Variants in PDE1A observed in about 807,000 individuals in gnomAD.
The protein encoded by PDE1A is phosphodiesterase 1A.
Under a neutral mutation model 61.7 loss-of-function variants are expected in PDE1A, and 35 were observed. The ratio of observed to expected loss-of-function variants is 0.57; its 90% CI spans 0.43 to 0.75. PDE1A has a LOEUF of 0.75. PDE1A is among the 30% of genes least tolerant of loss of function. The pLI is 0.00. For synonymous variants in PDE1A, 232 were observed against 213.2 expected (o/e 1.09, Z -0.77); for missense variants, 597 against 630.6 (o/e 0.95, Z 0.57).
At chr2:182,157,897 A>C (rs186891339) in intron 13 of PDE1A, among the ~76,000 whole-genome samples, 3 of 152,308 alleles carry the variant, frequency 2.0e-5, no homozygotes, top group Admixed American at 2.0e-4. Context: ...GAGAGTTGGT[A>C]GTAGCTATGT....
chr2:182,143,526 T>C (rs953387415), downstream of PDE1A, among the ~76,000 whole-genome samples: 2 of 152,048 alleles, frequency 1.3e-5, no homozygotes, highest in African/African-American at 2.4e-5. Context: ...ATTTTATTTG[T>C]TTTTTGGTGA....
intron 1 of PDE1A, among the ~76,000 whole-genome samples, chr2:182,331,995 T>A (rs1697442766): frequency 6.6e-6 from 1 of 152,190 alleles, no homozygotes; most frequent in African/African-American, 2.4e-5. Flanking sequence ...CAATCAAACG[T>A]AGGTTTGGTC....
chr2:182,305,182 C>A (rs1574303306), intron 1 of PDE1A, among the ~76,000 whole-genome samples: 2 of 1,964 alleles, frequency 1.0e-3, no homozygotes, highest in East Asian at 0.17. Flanking sequence ...CGGATTACTT[C>A]CACTTTATAA....
chr2:182,554,823 A>G, the PDE1A span, among the ~76,000 whole-genome samples: 1 of 152,172 alleles, frequency 6.6e-6, no homozygotes. Context: ...AGTTCATAGA[A>G]AAATATGGTT....
In PDE1A at chr2:182,282,932, A is replaced by G. The variant is rs139802951; in HGVS notation, c.54-18518T>C. On this transcript the variant is annotated intron_variant, in intron 1 of 13. Transcript: ENST00000351439. ...ACTTTTACAGAACCTGTGCATAGCCATACTGTTGAATCACAGAAGAGGCAT... is the reference window on the plus strand; with the variant it reads ...ACTTTTACAGAACCTGTGCATAGCCGTACTGTTGAATCACAGAAGAGGCAT... 1.7e-4 allele frequency among the ~76,000 whole-genome samples: 26 copies of G among 152,146 alleles called. No homozygotes were observed. In the East Asian group the frequency reaches 4.8e-3, roughly 28 times the overall value.
intron 2 of PDE1A, among the ~76,000 whole-genome samples, chr2:182,473,215 T>C (rs1687144273): frequency 6.6e-6 from 1 of 151,928 alleles, no homozygotes; most frequent in Non-Finnish European, 1.5e-5. Flanking sequence ...GACACAGGCA[T>C]GGGCAAGGAC....
chr2:182,696,399 G>A, the PDE1A span, among the ~76,000 whole-genome samples: 4 of 152,170 alleles, frequency 2.6e-5, no homozygotes, highest in Admixed American at 6.5e-5. Flanking sequence ...ACTACATGAC[G>A]TTCTGAAAAG....
At chr2:182,332,845 G>A (rs1004838150) in intron 1 of PDE1A, among the ~76,000 whole-genome samples, 1 of 152,012 alleles carries the variant, frequency 6.6e-6, no homozygotes, top group African/African-American at 2.4e-5. Context: ...CACGTGGAAA[G>A]ACACACATAG....
intron 1 of PDE1A, among the ~76,000 whole-genome samples, chr2:182,284,949 A>T (rs1694058083): frequency 6.6e-6 from 1 of 152,138 alleles, no homozygotes; most frequent in Admixed American, 6.6e-5. Context: ...TCACACAATT[A>T]GTTGGTAGTT....
chr2:182,145,013 G>A (rs942658120), downstream of PDE1A, among the ~76,000 whole-genome samples: 8 of 152,142 alleles, frequency 5.3e-5, no homozygotes, highest in African/African-American at 1.9e-4. Context: ...CACCATGCCT[G>A]AGTCACAGTT....
chr2:182,223,875 G>T, exon 7 of PDE1A: 1 of 1,576,246 alleles, frequency 6.3e-7, no homozygotes, highest in Non-Finnish European at 8.6e-7. Context: ...TTGTCTGAAT[G>T]TGAAAGTTGT....
chr2:182,293,465 T>C (rs1333915330), intron 1 of PDE1A, among the ~76,000 whole-genome samples: 1 of 152,144 alleles, frequency 6.6e-6, no homozygotes, highest in African/African-American at 2.4e-5. Flanking sequence ...GGTACTGATA[T>C]TGTTCATTTG....
the PDE1A span, among the ~76,000 whole-genome samples, chr2:182,665,522 T>C: frequency 6.6e-6 from 1 of 152,088 alleles, no homozygotes; most frequent in Non-Finnish European, 1.5e-5. Context: ...TGAGATACCA[T>C]CTCACAGCAG....
At chr2:182,268,166 G>C (rs1234312395) in intron 1 of PDE1A, among the ~76,000 whole-genome samples, 1 of 152,048 alleles carries the variant, frequency 6.6e-6, no homozygotes, top group Non-Finnish European at 1.5e-5. Context: ...GCATGTTCTT[G>C]ATGTTCTAAT....
At chr2:182,391,839 T>C (rs1303160886) in intron 1 of PDE1A, among the ~76,000 whole-genome samples, 1 of 152,204 alleles carries the variant, frequency 6.6e-6, no homozygotes, top group East Asian at 1.9e-4. Context: ...GTGAAATTGA[T>C]CGGAGGCCTG....
At chr2:182,258,123 G>A (rs759159892) in intron 2 of PDE1A, among the ~76,000 whole-genome samples, 1 of 151,630 alleles carries the variant, frequency 6.6e-6, no homozygotes, top group Non-Finnish European at 1.5e-5. Flanking sequence ...AGCCGAGATT[G>A]TGCCACTGCA....
the PDE1A span, among the ~76,000 whole-genome samples, chr2:182,707,590 G>GA: frequency 6.6e-6 from 1 of 151,936 alleles, no homozygotes; most frequent in South Asian, 2.1e-4. Flanking sequence ...AAAAGAAATA[G>GA]AAAATCTGAA....
chr2:182,296,225 C>T (rs573941225), intron 1 of PDE1A, among the ~76,000 whole-genome samples: 78 of 152,254 alleles, frequency 5.1e-4, no homozygotes, highest in African/African-American at 1.9e-3. Flanking sequence ...GAGCTCACCT[C>T]GGGCTCTCTG....
At chr2:182,355,336 A>C (rs1670232846) in intron 1 of PDE1A, among the ~76,000 whole-genome samples, 1 of 151,972 alleles carries the variant, frequency 6.6e-6, no homozygotes, top group African/African-American at 2.4e-5. Flanking sequence ...GAAGACAGTA[A>C]GTGTAGGTAC....
Sources: gnomAD v4.1 joint callset for allele counts (sites outside exome capture counted in the v4.1 genomes callset) on GRCh38, gnomAD v4.1.1 for gene constraint, MANE v1.5 for transcripts, NCBI Gene and HGNC (gene_info 2026-07-23, HGNC 2026-07-21) for gene names.